YWHAB: variants seen among roughly 807,000 people sequenced by gnomAD.
The protein encoded by YWHAB is 14-3-3 protein beta/alpha.
YWHAB carries 2 observed loss-of-function variants against 28.5 expected under a neutral mutation model. The observed-to-expected ratio is 0.07, with a 90% CI of 0.03 to 0.22. The LOEUF (loss-of-function observed/expected upper bound fraction) is 0.22. Among genes scored for constraint, YWHAB ranks in the 10% least tolerant of loss-of-function variants. The pLI is 1.00. For synonymous variants in YWHAB, 103 were observed against 104.7 expected (o/e 0.98, Z 0.10); for missense variants, 148 against 297.1 (o/e 0.50, Z 3.69).
At position 44,901,676 on chromosome 20, in the gene YWHAB, T is replaced by C; in HGVS notation, c.143T>C (p.Val48Ala). ...AACGAAGAGAGAAATCTGCTCTCTG[T>C]TGCCTACAAGAATGTGGTAGGCGCC... The part of the protein sequence containing the change: ...LSNEERNLLS[V>A]AYKNVVGARR... Residue 48 changes from valine (V) to alanine (A), a missense_variant, in exon 2 of 6, where the codon GTT (valine) becomes GCT (alanine). This residue lies in a region of YWHAB where 110 missense variants were observed against 177.9 expected (regional missense o/e 0.62). Coordinates refer to ENST00000353703, the MANE Select transcript of YWHAB (RefSeq NM_139323.4). The C allele has an allele frequency of 6.2e-7, 1 of 1,613,786 alleles. No homozygotes were observed. The highest frequency in any genetic ancestry group is 8.5e-7 in the Non-Finnish European group (1 of 1,179,934).
At chr20:44,901,296 T>C (rs1235038011) in intron 1 of YWHAB, among the ~76,000 whole-genome samples, 3 of 152,150 alleles carry the variant, frequency 2.0e-5, no homozygotes, top group African/African-American at 4.8e-5. Flanking sequence ...GTTATGAACA[T>C]ACCTACTCTG....
At chr20:44,903,436 G>A (rs943030408) in intron 2 of YWHAB, 2 of 152,980 alleles carry the variant, frequency 1.3e-5, no homozygotes, top group African/African-American at 4.8e-5. Context: ...TCCTCCTAAG[G>A]AAAGATATTT....
At chr20:44,892,875 G>T (rs1313153333) in intron 1 of YWHAB, among the ~76,000 whole-genome samples, 2 of 152,156 alleles carry the variant, frequency 1.3e-5, no homozygotes, top group Non-Finnish European at 2.9e-5. Flanking sequence ...TATATGTATA[G>T]AGCTTGGGTA....
intron 3 of YWHAB, among the ~76,000 whole-genome samples, chr20:44,904,550 G>A (rs891103378): frequency 5.3e-5 from 8 of 152,106 alleles, no homozygotes; most frequent in African/African-American, 1.9e-4. Context: ...CGAGTTAGGT[G>A]GCAGGCTGCC....
rs910343145 is a variant in YWHAB at position 44,908,385 on chromosome 20, T to C, written c.*1947T>C. On this transcript the variant is annotated 3_prime_UTR_variant, in exon 6 of 6. Transcript: ENST00000353703. ...CACACCCGTGGTTGTGAAAATAGTA[T>C]AGCAAAAAAGAAAAATCCCCGGTTA... The C allele has an allele frequency of 6.6e-6, 1 of 152,620 alleles. No individual in the cohort carries two copies. The highest frequency in any genetic ancestry group is 1.5e-5 in the Non-Finnish European group (1 of 68,030). The allele number at this position is 152,620 out of a possible 1,614,324, so 9.5% of individuals were successfully genotyped here. A position where few individuals can be genotyped will look rare whatever the true frequency, so the allele number is the denominator to read the frequency against.
chr20:44,898,083 T>C (rs1437322430), intron 1 of YWHAB, among the ~76,000 whole-genome samples: 1 of 152,314 alleles, frequency 6.6e-6, no homozygotes, highest in East Asian at 1.9e-4. Context: ...TTATCTTTCA[T>C]TGGACAGAAC....
In YWHAB at chr20:44,885,720, G is replaced by GCCA. The variant is rs1426241854; in HGVS notation, c.-167_-165dup. The GCCA allele has an allele frequency of 1.2e-5, 2 of 172,116 alleles. No homozygotes were observed. Among genetic ancestry groups the GCCA allele is most frequent in the African/African-American group, 2.4e-5 (1 of 41,496 alleles). 10.7% of individuals were successfully genotyped at this position (172,116 alleles called of 1,614,324 possible). On this transcript the variant is annotated 5_prime_UTR_variant, in exon 1 of 6. Transcript: ENST00000353703. Reference sequence around the variant, plus strand: ...CGATCGGAGCGGAAGTGGAGCTACCGCCACCGCCGCCGCCGATTCCGGAGC... The same window carrying GCCA: ...CGATCGGAGCGGAAGTGGAGCTACCGCCACCACCGCCGCCGCCGATTCCGGAGC...
intron 2 of YWHAB, chr20:44,902,123 G>T (rs774857504): frequency 3.3e-6 from 1 of 299,374 alleles, no homozygotes; most frequent in South Asian, 7.0e-5. Flanking sequence ...AGGCCAGATA[G>T]ACAGGATTTT....
chr20:44,893,942 C>T (rs1223357581), intron 1 of YWHAB, among the ~76,000 whole-genome samples: 3 of 152,126 alleles, frequency 2.0e-5, no homozygotes, highest in Non-Finnish European at 4.4e-5. Context: ...GGTGATCTGC[C>T]TGCCTTGGCC....
chr20:44,886,031 G>A (rs1375969032), intron 1 of YWHAB, 145 bp downstream of exon 1: 1 of 152,254 alleles, frequency 6.6e-6, no homozygotes, highest in Non-Finnish European at 1.5e-5. Context: ...GCCGCCGGCG[G>A]CGAGGCCAGA....
intron 1 of YWHAB, among the ~76,000 whole-genome samples, chr20:44,892,603 A>G (rs1223045262): frequency 2.0e-5 from 3 of 152,178 alleles, no homozygotes; most frequent in Admixed American, 1.3e-4. Context: ...TTCAACACAC[A>G]TTGGATTATA....
chr20:44,903,941 G>A, intron 2 of YWHAB, 52 bp from the exon 3 acceptor site: 1 of 1,569,678 alleles, frequency 6.4e-7, no homozygotes, highest in African/African-American at 1.4e-5. Flanking sequence ...CTCAAACATA[G>A]TTTTAACATC....
At chr20:44,894,253 T>A (rs2066582041) in intron 1 of YWHAB, among the ~76,000 whole-genome samples, 2 of 152,304 alleles carry the variant, frequency 1.3e-5, no homozygotes, top group Admixed American at 6.5e-5. Context: ...GGTTGGGCCT[T>A]TTGTGGCCTC....
chr20:44,902,209 T>C, intron 2 of YWHAB: 1 of 161,416 alleles, frequency 6.2e-6, no homozygotes, highest in Non-Finnish European at 1.3e-5. Context: ...GGGAGGGAGA[T>C]GAAAAAGCTG....
In YWHAB at chr20:44,907,965, G is replaced by A. The variant is rs1488159666; in HGVS notation, c.*1527G>A. ...CACTCATCCAGGTCAGTGCTCAGAT[G>A]TGTTTAAGGAGACCCTATATTCAGG... is the stretch of plus-strand genomic sequence containing the variant. On this transcript the variant is annotated 3_prime_UTR_variant, in exon 6 of 6. Coordinates refer to ENST00000353703, the MANE Select transcript of YWHAB (RefSeq NM_139323.4). The A allele has an allele frequency of 6.6e-6, 1 of 152,630 alleles. No individual in the cohort carries two copies. Among genetic ancestry groups the A allele is most frequent in the Non-Finnish European group, 1.5e-5 (1 of 68,052 alleles). 9.5% of individuals were successfully genotyped at this position (152,630 alleles called of 1,614,324 possible).
intron 3 of YWHAB, 62 bp from the exon 4 acceptor site, chr20:44,904,906 G>T: frequency 2.0e-6 from 3 of 1,465,898 alleles, no homozygotes; most frequent in Non-Finnish European, 2.7e-6. Flanking sequence ...TTTGATAGTT[G>T]GTCCAATGTG....
intron 1 of YWHAB, among the ~76,000 whole-genome samples, chr20:44,899,605 A>G (rs992680343): frequency 3.3e-5 from 5 of 152,256 alleles, no homozygotes; most frequent in Non-Finnish European, 7.3e-5. Flanking sequence ...TGATATATCA[A>G]TATTTAAACC....
chr20:44,899,184 A>T (rs1180278069), intron 1 of YWHAB, among the ~76,000 whole-genome samples: 2 of 151,630 alleles, frequency 1.3e-5, no homozygotes, highest in African/African-American at 4.8e-5. Context: ...TTGTTTTGAA[A>T]ATACTGGCAT....
chr20:44,887,650 A>G (rs2066536226), intron 1 of YWHAB: 1 of 152,240 alleles, frequency 6.6e-6, no homozygotes, highest in Admixed American at 6.5e-5. Flanking sequence ...TTCTCTAGGC[A>G]GAGTCTCCAG....
Sources: gnomAD v4.1 joint callset for allele counts (sites outside exome capture counted in the v4.1 genomes callset) on GRCh38, gnomAD v4.1.1 for gene constraint, gnomAD v4.1.1 regional missense constraint, MANE v1.5 for transcripts, NCBI Gene and HGNC (gene_info 2026-07-23, HGNC 2026-07-21) for gene names.